Variants in SNX16 observed in about 807,000 individuals in gnomAD.
SNX16 encodes the protein sorting nexin 16.
In SNX16, 35 loss-of-function variants were observed where a neutral mutation model predicts 36.7. That is an observed-to-expected ratio of 0.95 (90% CI 0.73 to 1.27). The LOEUF is 1.27. SNX16 is among the 50% of genes most tolerant of loss of function. The pLI is 0.00. For synonymous variants in SNX16, 134 were observed against 132.0 expected (o/e 1.02, Z -0.10); for missense variants, 367 against 393.6 (o/e 0.93, Z 0.57).
chr8:81,835,520 C>T (rs1811456912), intron 2 of SNX16, among the ~76,000 whole-genome samples: 2 of 152,160 alleles, frequency 1.3e-5, no homozygotes, highest in South Asian at 4.1e-4. Flanking sequence ...AAACTGAATG[C>T]CTTTAGTAGC....
chr8:81,810,320 G>C (rs1215323085), intron 5 of SNX16, among the ~76,000 whole-genome samples: 2 of 152,024 alleles, frequency 1.3e-5, no homozygotes, highest in Non-Finnish European at 2.9e-5. Flanking sequence ...CTTAAATAGG[G>C]AACAGAGAAA....
rs1336272159 is a variant in SNX16 at position 81,800,114 on chromosome 8, C to A, written c.*1383G>T. 1 of 151,640 alleles carries A rather than the reference C, an allele frequency of 6.6e-6. No individual in the cohort carries two copies. Among genetic ancestry groups the A allele is most frequent in the African/African-American group, 2.4e-5 (1 of 41,384 alleles). 9.4% of individuals were successfully genotyped at this position (151,640 alleles called of 1,614,324 possible). On this transcript the variant is annotated 3_prime_UTR_variant, in exon 8 of 8. Coordinates refer to ENST00000345957, the MANE Select transcript of SNX16 (RefSeq NM_152836.3). ...TATATGTCATTAGAATTTTAAACAG[C>A]CACACCTTAATATATATATACATCA... is the stretch of plus-strand genomic sequence containing the variant.
chr8:81,807,125 C>A (rs1454288786), intron 5 of SNX16, among the ~76,000 whole-genome samples: 2 of 152,062 alleles, frequency 1.3e-5, no homozygotes, highest in Non-Finnish European at 2.9e-5. Flanking sequence ...GAATAGCCAA[C>A]TTGGAAGAAT....
chr8:81,803,038 C>A, intron 6 of SNX16, 54 bp downstream of exon 6: 1 of 1,427,508 alleles, frequency 7.0e-7, no homozygotes, highest in South Asian at 1.7e-5. Context: ...GCAGTTAGCC[C>A]AGAGTATTAA....
chr8:81,838,416 AAT>A (rs1811590018), intron 2 of SNX16, among the ~76,000 whole-genome samples: 1 of 152,104 alleles, frequency 6.6e-6, no homozygotes, highest in Non-Finnish European at 1.5e-5. Flanking sequence ...AGACTTTATT[AAT>A]TAAGACAGTG....
chr8:81,825,347 AATTT>A (rs1810962879), intron 3 of SNX16, among the ~76,000 whole-genome samples: 1 of 152,278 alleles, frequency 6.6e-6, no homozygotes, highest in East Asian at 1.9e-4. Context: ...CAGCACATTT[AATTT>A]AGGCTGTCTT....
At chr8:81,835,282 G>A (rs12547835) in intron 2 of SNX16, among the ~76,000 whole-genome samples, 23,606 of 152,076 alleles carry the variant, frequency 0.16, 2,380 homozygotes, top group South Asian at 0.25. Context: ...ACAAAACCAC[G>A]TTTTCCTCCT....
intron 5 of SNX16, among the ~76,000 whole-genome samples, chr8:81,813,370 G>A (rs979339994): frequency 2.3e-4 from 35 of 150,902 alleles, no homozygotes; most frequent in South Asian, 1.7e-3. Context: ...TAAACAAAAC[G>A]AACTAAAAAA....
chr8:81,803,052 T>A (rs370745917), intron 6 of SNX16, 40 bp downstream of exon 6: 2 of 1,539,488 alleles, frequency 1.3e-6, no homozygotes. Flanking sequence ...GTATTAAGGG[T>A]TGAATTAGTC....
At chr8:81,817,473 T>G (rs763895891) in intron 4 of SNX16, among the ~76,000 whole-genome samples, 1 of 152,218 alleles carries the variant, frequency 6.6e-6, no homozygotes, top group Admixed American at 6.5e-5. Flanking sequence ...TATGGCTCAC[T>G]AGAGTTCTAC....
At chr8:81,823,017 G>T (rs1745462660) in intron 4 of SNX16, among the ~76,000 whole-genome samples, 1 of 147,088 alleles carries the variant, frequency 6.8e-6, no homozygotes, top group Non-Finnish European at 1.5e-5. Flanking sequence ...TATCGCACGT[G>T]TGTCATGCAG....
intron 4 of SNX16, among the ~76,000 whole-genome samples, chr8:81,820,730 G>T (rs372520016): frequency 9.2e-5 from 14 of 151,812 alleles, no homozygotes; most frequent in African/African-American, 2.9e-4. Flanking sequence ...TTGAGTTCTT[G>T]TTACTTTTAT....
chr8:81,827,081 G>T (rs1223007451), intron 3 of SNX16, among the ~76,000 whole-genome samples: 6 of 152,110 alleles, frequency 3.9e-5, no homozygotes, highest in Admixed American at 1.3e-4. Context: ...GATGGGTAGA[G>T]CTCTTTCTGG....
intron 4 of SNX16, among the ~76,000 whole-genome samples, chr8:81,821,855 T>C (rs2130697358): frequency 6.6e-6 from 1 of 152,240 alleles, no homozygotes; most frequent in Admixed American, 6.5e-5. Context: ...TTAAACATCT[T>C]ACAATCAATC....
Position 81,839,982 on chromosome 8 carries a change from G to A in SNX16, c.5C>T (p.Ala2Val). M[A>V]TPYVPVPMPI... ...CATAGGAACTGGGACATAAGGAGTT[G>A]CCATCTTCTTTTGGCTTTTCCAACA... The change falls in exon 2 of 8, where the codon GCA (alanine) becomes GTA (valine). Residue 2 changes from alanine to valine, a missense_variant. By Grantham distance (64) the Ala-to-Val change is moderately conservative. Transcript: ENST00000345957. 6.3e-7 allele frequency: 1 copy of A among 1,596,204 alleles called. No individual in the cohort carries two copies. The highest frequency in any genetic ancestry group is 2.2e-5 in the East Asian group (1 of 44,680).
intron 2 of SNX16, among the ~76,000 whole-genome samples, chr8:81,833,575 G>A (rs142635711): frequency 7.7e-4 from 117 of 152,256 alleles, no homozygotes; most frequent in African/African-American, 2.7e-3. Flanking sequence ...TAAAACTTTT[G>A]AGTATGAATG....
At chr8:81,806,097 C>A (rs951362619) in intron 5 of SNX16, among the ~76,000 whole-genome samples, 2 of 152,020 alleles carry the variant, frequency 1.3e-5, no homozygotes, top group African/African-American at 2.4e-5. Flanking sequence ...AATATCAAAT[C>A]CAGATTGTTT....
At chr8:81,807,482 G>A (rs1810011101) in intron 5 of SNX16, among the ~76,000 whole-genome samples, 1 of 126,748 alleles carries the variant, frequency 7.9e-6, no homozygotes, top group Non-Finnish European at 1.5e-5. Context: ...TGGCGCCACT[G>A]CACTCCAGCC....
chr8:81,831,187 T>C (rs979967254), intron 2 of SNX16, among the ~76,000 whole-genome samples: 1 of 152,172 alleles, frequency 6.6e-6, no homozygotes, highest in African/African-American at 2.4e-5. Context: ...TGAAACACCA[T>C]TCTGGACATC....
Sources: allele counts gnomAD v4.1 joint callset (sites outside exome capture counted in the v4.1 genomes callset), GRCh38; gene constraint gnomAD v4.1.1; transcripts MANE v1.5; gene names NCBI Gene and HGNC (gene_info 2026-07-23, HGNC 2026-07-21).